Variants in RPRD1B observed in about 807,000 individuals in gnomAD.
The protein encoded by RPRD1B is regulation of nuclear pre-mRNA domain containing 1B, also known as regulation of nuclear pre-mRNA domain-containing protein 1B.
In RPRD1B, 11 loss-of-function variants were observed where a neutral mutation model predicts 41.5. The observed-to-expected ratio is 0.27, with a 90% CI of 0.17 to 0.44. The LOEUF (loss-of-function observed/expected upper bound fraction) is 0.44. RPRD1B is among the 20% of genes least tolerant of loss of function. The probability of loss-of-function intolerance (pLI) is 1.00; values close to 1 mark genes in which losing one functional copy is unlikely to be tolerated. For missense variants in RPRD1B, 248 were observed against 389.9 expected (o/e 0.64, Z 3.06); for synonymous variants, 158 against 155.6 (o/e 1.02, Z -0.12).
chr20:38,076,975 G>T (rs1600434607), intron 6 of RPRD1B, among the ~76,000 whole-genome samples: 1 of 123,864 alleles, frequency 8.1e-6, no homozygotes, highest in East Asian at 2.7e-4. Context: ...GTAGTGCAGT[G>T]GTGCGATCTG....
chr20:38,075,746 T>G (rs2122754917), intron 6 of RPRD1B, among the ~76,000 whole-genome samples: 1 of 152,330 alleles, frequency 6.6e-6, no homozygotes, highest in East Asian at 1.9e-4. Context: ...CAGGGCAAAG[T>G]ATTCTGGTTA....
chr20:38,043,776 T>G (rs917744250), intron 2 of RPRD1B, among the ~76,000 whole-genome samples: 5 of 152,186 alleles, frequency 3.3e-5, no homozygotes, highest in African/African-American at 1.2e-4. Context: ...TTCTAGGTTT[T>G]TGATGTAAGG....
intron 6 of RPRD1B, among the ~76,000 whole-genome samples, chr20:38,079,368 G>A (rs957411763): frequency 6.6e-6 from 1 of 151,822 alleles, no homozygotes; most frequent in Non-Finnish European, 1.5e-5. Context: ...CCAGGTAATT[G>A]GCATTGTACC....
rs1046045495 is a variant in RPRD1B, at chr20:38,091,844, C to T, written c.*1969C>T. 2 of 985,674 alleles carry T rather than the reference C, an allele frequency of 2.0e-6. No individual in the cohort carries two copies. Among genetic ancestry groups the T allele is most frequent in the Non-Finnish European group, 2.4e-6 (2 of 829,894 alleles). The allele number at this position is 985,674 out of a possible 1,614,324, so 61.1% of individuals were successfully genotyped here. A position where few individuals can be genotyped will look rare whatever the true frequency, so the allele number is the denominator to read the frequency against. ...TGTTTTATCCAACTGAGTCTCTGAC[C>T]AGCAATTGGTGCATAATTATTACAG... On this transcript the variant is annotated 3_prime_UTR_variant, in exon 7 of 7. Transcript: ENST00000373433.
chr20:38,044,147 C>T (rs1444922933), intron 2 of RPRD1B, among the ~76,000 whole-genome samples: 2 of 152,128 alleles, frequency 1.3e-5, no homozygotes, highest in African/African-American at 2.4e-5. Context: ...GATGTGCATG[C>T]AGTACCCGCA....
chr20:38,076,906 C>CCTTTTTTTTTTTT (rs2074466082), intron 6 of RPRD1B, among the ~76,000 whole-genome samples: 1 of 63,510 alleles, frequency 1.6e-5, no homozygotes, highest in Non-Finnish European at 2.8e-5. Context: ...CATTCTGGAC[C>CCTTTTTTTTTTTT]TTTTTTTTTT....
chr20:38,045,413 G>T (rs1052596684), intron 2 of RPRD1B, among the ~76,000 whole-genome samples: 1 of 152,188 alleles, frequency 6.6e-6, no homozygotes, highest in Non-Finnish European at 1.5e-5. Flanking sequence ...TCAGTAGAAA[G>T]ATTTCTTGAA....
rs564165638 is a variant in RPRD1B at position 38,048,930 on chromosome 20, C to A, written c.415+449C>A. Among the ~76,000 whole-genome samples, 47 of 152,276 alleles carry A rather than the reference C, an allele frequency of 3.1e-4. 1 individual carries two copies. The South Asian group carries it at 9.5e-3, about 31-fold the overall frequency. ...TGAAACATATCCTTAGGATTGTCAGCATGGTGTCTGTCTAAAGTTGATTGT... is the reference window on the plus strand; with the variant it reads ...TGAAACATATCCTTAGGATTGTCAGAATGGTGTCTGTCTAAAGTTGATTGT... On this transcript the variant is annotated intron_variant, in intron 3 of 6. Coordinates refer to ENST00000373433, the MANE Select transcript of RPRD1B (RefSeq NM_021215.4).
chr20:38,048,901 C>T (rs2122707245), intron 3 of RPRD1B, among the ~76,000 whole-genome samples: 1 of 152,288 alleles, frequency 6.6e-6, no homozygotes. Context: ...TGTAGATGTG[C>T]TTTTGAAACA....
chr20:38,033,808 C>G lies in RPRD1B; in HGVS notation c.-140C>G. 2 of 812,626 alleles carry G rather than the reference C, an allele frequency of 2.5e-6. No individual in the cohort carries two copies. The highest frequency in any genetic ancestry group is 3.7e-6 in the Non-Finnish European group (2 of 536,368). 50.3% of individuals were successfully genotyped at this position (812,626 alleles called of 1,614,324 possible). A position where few individuals can be genotyped will look rare whatever the true frequency, so the allele number is the denominator to read the frequency against. ...GTTACTGCGGAGACCCATCCCCTCCCCCTTCTCGCACCCCTGGCAGTCTGT... is the reference window on the plus strand; with the variant it reads ...GTTACTGCGGAGACCCATCCCCTCCGCCTTCTCGCACCCCTGGCAGTCTGT... On this transcript the variant is annotated 5_prime_UTR_variant, in exon 1 of 7. Transcript: ENST00000373433.
At chr20:38,054,025 C>T (rs1016012351) in intron 3 of RPRD1B, among the ~76,000 whole-genome samples, 1 of 152,032 alleles carries the variant, frequency 6.6e-6, no homozygotes, top group Admixed American at 6.6e-5. Context: ...CAACTAGAGG[C>T]GGGGAGACAG....
chr20:38,034,997 T>A (rs979688658), intron 1 of RPRD1B, among the ~76,000 whole-genome samples: 7 of 152,230 alleles, frequency 4.6e-5, no homozygotes, highest in African/African-American at 1.4e-4. Flanking sequence ...GCAGTACTGA[T>A]ATCTTTACAT....
In RPRD1B at chr20:38,091,119, T is replaced by C; in HGVS notation, c.*1244T>C. 1 of 985,842 alleles carries C rather than the reference T, an allele frequency of 1.0e-6. No homozygotes were observed. The highest frequency in any genetic ancestry group is 1.2e-6 in the Non-Finnish European group (1 of 829,924). The allele number at this position is 985,842 out of a possible 1,614,324, so 61.1% of individuals were successfully genotyped here. Reference sequence around the variant, plus strand: ...GTTCAGCCTGCCAATTGTAAATCATTCTAATTTGGCAGGCTTATTTTTGAC... The same window carrying C: ...GTTCAGCCTGCCAATTGTAAATCATCCTAATTTGGCAGGCTTATTTTTGAC... On this transcript the variant is annotated 3_prime_UTR_variant, in exon 7 of 7. Coordinates refer to ENST00000373433, the MANE Select transcript of RPRD1B (RefSeq NM_021215.4).
At chr20:38,088,489 G>A (rs2074582705) in intron 6 of RPRD1B, among the ~76,000 whole-genome samples, 1 of 152,298 alleles carries the variant, frequency 6.6e-6, no homozygotes, top group South Asian at 2.1e-4. Context: ...TTACATTCCT[G>A]CAGGAAGGGC....
Position 38,089,990 on chromosome 20 carries a change from G to C in RPRD1B, c.*115G>C. ...ATCCCTTCTTCCGCCCAGCCCCCCA[G>C]CCTCAAGAAAGAACCTCAGACTCTG... On this transcript the variant is annotated 3_prime_UTR_variant, in exon 7 of 7. Transcript: ENST00000373433. 2 of 1,481,560 alleles carry C rather than the reference G, an allele frequency of 1.3e-6. No individual in the cohort carries two copies. The highest frequency in any genetic ancestry group is 1.4e-5 in the South Asian group (1 of 70,422). The allele number at this position is 1,481,560 out of a possible 1,614,324, so 91.8% of individuals were successfully genotyped here.
intron 3 of RPRD1B, among the ~76,000 whole-genome samples, chr20:38,051,769 T>C (rs2074186901): frequency 6.6e-6 from 1 of 152,200 alleles, no homozygotes; most frequent in South Asian, 2.1e-4. Flanking sequence ...ATTTCTTTTT[T>C]GAGATGAAGT....
At chr20:38,059,254 CTG>C (rs754744137) in intron 4 of RPRD1B, 138 bp from the exon 5 acceptor site, 108 of 795,870 alleles carry the variant, frequency 1.4e-4, no homozygotes, top group Non-Finnish European at 1.9e-4. Context: ...CATGTAAGCT[CTG>C]GGGCTAAGAA....
At chr20:38,036,387 A>G (rs374015944) in intron 1 of RPRD1B, among the ~76,000 whole-genome samples, 8 of 152,282 alleles carry the variant, frequency 5.3e-5, no homozygotes, top group African/African-American at 1.9e-4. Context: ...ACCTGACTGC[A>G]ATCAAACTGT....
At position 38,091,014 on chromosome 20, in the gene RPRD1B, TTTAA is replaced by T; in HGVS notation, c.*1142_*1145del. 1.0e-6 allele frequency: 1 copy of T among 985,738 alleles called. No individual in the cohort carries two copies. The highest frequency in any genetic ancestry group is 1.2e-6 in the Non-Finnish European group (1 of 829,920). 61.1% of individuals were successfully genotyped at this position (985,738 alleles called of 1,614,324 possible). ...GGAGTTGGGGATATTAATTGGGGGTTTTAATTCTATTATCATGTCAGCTGACATT... is the reference window on the plus strand; with the variant it reads ...GGAGTTGGGGATATTAATTGGGGGTTTTCTATTATCATGTCAGCTGACATT... On this transcript the variant is annotated 3_prime_UTR_variant, in exon 7 of 7. Coordinates refer to ENST00000373433, the MANE Select transcript of RPRD1B (RefSeq NM_021215.4).
Sources: gnomAD v4.1 joint callset for allele counts (sites outside exome capture counted in the v4.1 genomes callset) on GRCh38, gnomAD v4.1.1 for gene constraint, MANE v1.5 for transcripts, NCBI Gene and HGNC (gene_info 2026-07-23, HGNC 2026-07-21) for gene names.